Variants in DMD observed in about 807,000 individuals in gnomAD.
DMD encodes mutant dystrophin.
A neutral mutation model predicts 330.1 loss-of-function variants in DMD; 63 were observed. The observed-to-expected ratio is 0.19, with a 90% confidence interval of 0.16 to 0.24. DMD has a LOEUF of 0.24. Ranked by LOEUF, DMD falls within the 10% of genes least tolerant of loss-of-function variation. The pLI, the probability that DMD is intolerant of heterozygous loss-of-function variation, is 1.00. For synonymous variants in DMD, 1,223 were observed against 959.8 expected, an observed-to-expected ratio of 1.27 and a Z score of -5.07; for missense variants, 3,344 against 2,684.1, an observed-to-expected ratio of 1.25 and a Z score of -5.43.
intron 6 of DMD, among the ~76,000 whole-genome samples, chrX:32,812,597 C>A (rs748943124): frequency 8.9e-6 from 1 of 112,283 alleles, no homozygotes; most frequent in Non-Finnish European, 1.9e-5. Flanking sequence ...TGGCCCACTG[C>A]GCTCTAGCCT....
At position 31,311,451 on chromosome X, in the gene DMD, T is replaced by A. The variant is rs762024418; in HGVS notation, c.9224+12147A>T. Among the ~76,000 whole-genome samples, 14 of 111,799 alleles carry A rather than the reference T, an allele frequency of 1.3e-4. No homozygotes were observed. In the East Asian group the frequency reaches 2.3e-3, roughly 18 times the overall value. On this transcript the variant is annotated intron_variant, in intron 62 of 78. Coordinates refer to ENST00000357033, the MANE Select transcript of DMD (RefSeq NM_004006.3). ...ACTCTCTATCTTAGGGAAGCCCTGA[T>A]GGAGGTGGTGGAATATGACTTAGAA...
intron 50 of DMD, among the ~76,000 whole-genome samples, chrX:31,799,677 T>C (rs1022661918): frequency 2.7e-5 from 3 of 111,664 alleles, no homozygotes; most frequent in African/African-American, 9.8e-5. Flanking sequence ...TCTTAACTCA[T>C]TCCAACATTA....
chrX:32,719,510 A>T (rs2066051067), intron 7 of DMD, among the ~76,000 whole-genome samples: 1 of 111,825 alleles, frequency 8.9e-6, no homozygotes. Context: ...TGTACTAAAT[A>T]AAAGAGAAAC....
intron 44 of DMD, among the ~76,000 whole-genome samples, chrX:31,997,785 G>T (rs767275229): frequency 9.0e-6 from 1 of 110,885 alleles, no homozygotes; most frequent in African/African-American, 3.3e-5. Context: ...GCACATTTTC[G>T]TCTGTCAGTA....
chrX:31,918,112 G>T (rs754667263), intron 47 of DMD, among the ~76,000 whole-genome samples: 10 of 112,765 alleles, frequency 8.9e-5, no homozygotes, highest in Non-Finnish European at 1.1e-4. Flanking sequence ...GTGATGGCAC[G>T]TGGATCTTTA....
At chrX:33,319,799 T>C (rs1412140087) in intron 1 of DMD, among the ~76,000 whole-genome samples, 1 of 112,166 alleles carries the variant, frequency 8.9e-6, no homozygotes, top group Non-Finnish European at 1.9e-5. Context: ...ACAGTTTCTT[T>C]CATTTTTTCC....
At chrX:32,742,259 G>T (rs1409737317) in intron 7 of DMD, among the ~76,000 whole-genome samples, 2 of 111,932 alleles carry the variant, frequency 1.8e-5, no homozygotes, top group Non-Finnish European at 3.8e-5. Flanking sequence ...TTTTTAGGAG[G>T]AAAGAATGAT....
At chrX:33,103,898 TA>T (rs1294941987) in intron 1 of DMD, among the ~76,000 whole-genome samples, 2 of 112,064 alleles carry the variant, frequency 1.8e-5, no homozygotes, top group African/African-American at 3.2e-5. Flanking sequence ...AAAATAATGA[TA>T]AATCTAGCAT....
chrX:31,244,341 A>T (rs761983882), intron 63 of DMD, among the ~76,000 whole-genome samples: 7 of 112,106 alleles, frequency 6.2e-5, no homozygotes, highest in Non-Finnish European at 9.4e-5. Context: ...CATAGGATAA[A>T]TGTTACTTAT....
At chrX:32,607,423 C>T (rs1469608601) in intron 12 of DMD, among the ~76,000 whole-genome samples, 1 of 102,324 alleles carries the variant, frequency 9.8e-6, no homozygotes, top group Non-Finnish European at 2.0e-5. Flanking sequence ...TAGTTTAGTG[C>T]TTTTTTAGTC....
At chrX:32,972,410 G>A (rs1169285640) in intron 2 of DMD, among the ~76,000 whole-genome samples, 1 of 110,765 alleles carries the variant, frequency 9.0e-6, no homozygotes, top group Non-Finnish European at 1.9e-5. Flanking sequence ...AAACTCCTGA[G>A]CTCAAGTGAT....
rs1286893879 is a variant in DMD at position 32,217,701 on chromosome X, GAT to G, written c.6291-640_6291-639del. 3.8e-3 allele frequency among the ~76,000 whole-genome samples: 424 copies of G among 110,335 alleles called. 3 individuals are homozygous for G. The highest frequency in any genetic ancestry group is 0.014 in the African/African-American group (412 of 30,084). On this transcript the variant is annotated intron_variant, in intron 43 of 78. Transcript: ENST00000357033. ...AGGCTATGGATCTGCCAAGAAACCT[GAT>G]TTGATCATTACACAATGAAACATTA...
chrX:31,349,559 G>C (rs1170555400), intron 60 of DMD, among the ~76,000 whole-genome samples: 1 of 112,216 alleles, frequency 8.9e-6, no homozygotes, highest in Non-Finnish European at 1.9e-5. Context: ...TATACCTTTA[G>C]GGGGCATGCA....
intron 1 of DMD, among the ~76,000 whole-genome samples, chrX:33,063,291 T>C (rs73188298): frequency 1.8e-5 from 2 of 111,194 alleles, no homozygotes; most frequent in Non-Finnish European, 3.8e-5. Flanking sequence ...ATAATTTACA[T>C]ATGAAAAAAA....
intron 44 of DMD, among the ~76,000 whole-genome samples, chrX:32,194,071 T>G (rs2096987679): frequency 8.9e-6 from 1 of 112,466 alleles, no homozygotes; most frequent in Non-Finnish European, 1.9e-5. Context: ...TAACTTTCAA[T>G]TATCTCCAAT....
chrX:31,264,259 C>T (rs1052735845), intron 62 of DMD, among the ~76,000 whole-genome samples: 3 of 111,874 alleles, frequency 2.7e-5, no homozygotes, highest in African/African-American at 9.8e-5. Context: ...ACACGGTGTG[C>T]TAGGGAGGAG....
intron 64 of DMD, among the ~76,000 whole-genome samples, chrX:31,220,896 A>ATTTTT (rs61226425): frequency 2.0e-4 from 7 of 34,805 alleles, no homozygotes; most frequent in Non-Finnish European, 2.8e-4. Context: ...TTTTTTTGCG[A>ATTTTT]TTTTTTTTTT....
intron 60 of DMD, among the ~76,000 whole-genome samples, chrX:31,371,058 C>T (rs1343545074): frequency 9.1e-6 from 1 of 110,177 alleles, no homozygotes; most frequent in Non-Finnish European, 1.9e-5. Context: ...CTATAAAAGG[C>T]CAATAGGAGG....
intron 67 of DMD, 102 bp downstream of exon 67, chrX:31,203,859 C>A: frequency 1.4e-6 from 1 of 705,517 alleles, no homozygotes; most frequent in South Asian, 2.3e-5. Context: ...TACCTACTGC[C>A]TACTGAAGAG....
Sources: gnomAD v4.1 joint callset for allele counts (sites outside exome capture counted in the v4.1 genomes callset) on GRCh38, gnomAD v4.1.1 for gene constraint, MANE v1.5 for transcripts, NCBI Gene and HGNC (gene_info 2026-07-23, HGNC 2026-07-21) for gene names.